KIF13B: variants seen among roughly 807,000 people sequenced by gnomAD.
KIF13B encodes kinesin family member 13B, also known as kinesin-like protein KIF13B.
Under a neutral mutation model 222.0 loss-of-function variants are expected in KIF13B, and 127 were observed. That is an observed-to-expected ratio of 0.57 (90% confidence interval 0.50 to 0.66). The LOEUF is 0.66. KIF13B is among the 30% of genes least tolerant of loss of function. The pLI, the probability that KIF13B is intolerant of heterozygous loss-of-function variation, is 0.00. For synonymous variants in KIF13B, 976 were observed against 919.0 expected (o/e 1.06, Z -1.12); for missense variants, 2,173 against 2,379.0 (o/e 0.91, Z 1.80).
chr8:29,152,532 G>A (rs1811343195), intron 14 of KIF13B, among the ~76,000 whole-genome samples: 1 of 152,114 alleles, frequency 6.6e-6, no homozygotes, highest in African/African-American at 2.4e-5. Flanking sequence ...CCACCAACAT[G>A]GAGGCAAGAC....
rs953910774 is a variant in KIF13B at position 29,135,881 on chromosome 8, ACT to A, written c.2614-1673_2614-1672del. Among the ~76,000 whole-genome samples, 338 of 152,226 alleles carry A rather than the reference ACT, an allele frequency of 2.2e-3. 10 individuals carry two copies. Among genetic ancestry groups the A allele is most frequent in the Non-Finnish European group, 3.7e-4 (25 of 68,016 alleles). On this transcript the variant is annotated intron_variant, in intron 21 of 39. Transcript: ENST00000524189. Reference sequence around the variant, plus strand: ...CTGCACTCTACTCTGGGTGACAGAGACTCTGTCTCAAAAAACAAACAAGCAAA... The same window carrying A: ...CTGCACTCTACTCTGGGTGACAGAGACTGTCTCAAAAAACAAACAAGCAAA...
chr8:29,101,765 G>A lies in KIF13B; in HGVS notation c.4216-2524C>T, dbSNP rs114697132. Among the ~76,000 whole-genome samples, 490 of 152,270 alleles carry A rather than the reference G, an allele frequency of 3.2e-3. 3 individuals are homozygous for A. The highest frequency in any genetic ancestry group is 0.011 in the African/African-American group (466 of 41,552). On this transcript the variant is annotated intron_variant, in intron 35 of 39. Transcript: ENST00000524189. ...ACCTATTCTGATCCCACTGTCCTGA[G>A]ACAGGGACCTCAAATCGCGCTGGGA...
intron 31 of KIF13B, among the ~76,000 whole-genome samples, chr8:29,115,219 A>G (rs1406475645): frequency 1.3e-5 from 2 of 152,104 alleles, no homozygotes; most frequent in African/African-American, 4.8e-5. Flanking sequence ...TACTGGTTTT[A>G]GTCAGTGTAT....
At chr8:29,182,129 A>AC in intron 6 of KIF13B, 123 bp from the exon 7 acceptor site, 1 of 612,096 alleles carries the variant, frequency 1.6e-6, no homozygotes, top group Non-Finnish European at 2.7e-6. Context: ...AAACCAACTG[A>AC]CTTGATCCCA....
rs1450257676 is a variant in KIF13B, at chr8:29,108,210, G to A, written c.4162-18C>T. ...CCAGACAACTGAAGAAGAAAGAAAG[G>A]GGGGTTAGTTATTTATGCATCAGAG... is the stretch of plus-strand genomic sequence containing the variant. On this transcript the variant is annotated intron_variant, in intron 34 of 39. Transcript: ENST00000524189. 4.4e-6 allele frequency: 7 copies of A among 1,609,142 alleles called. No homozygotes were observed. Among genetic ancestry groups the A allele is most frequent in the South Asian group, 1.1e-5 (1 of 89,780 alleles).
intron 31 of KIF13B, 65 bp from the exon 32 acceptor site, chr8:29,113,620 G>A: frequency 1.0e-6 from 1 of 953,054 alleles, no homozygotes; most frequent in Non-Finnish European, 1.6e-6. Flanking sequence ...ATTAACAAAA[G>A]ACAGCATGGA....
At position 29,071,994 on chromosome 8, in the gene KIF13B, G is replaced by A. The variant is rs1807310098; in HGVS notation, c.4844C>T (p.Ala1615Val). The change falls in exon 39 of 40, where the codon GCC (alanine) becomes GTC (valine). Residue 1615 changes from alanine to valine, a missense_variant. By Grantham distance (64) the Ala-to-Val change is moderately conservative. Coordinates refer to ENST00000524189, the MANE Select transcript of KIF13B (RefSeq NM_015254.4). The surrounding 1 kb of genome is among the most constrained non-coding windows in gnomAD (Gnocchi z 4.9). Reference protein sequence around the residue: ...APISHPPPPTAVPAEEPPGPQ... With the variant: ...APISHPPPPTVVPAEEPPGPQ... ...GCCAGGGGGCTCCTCGGCGGGGACG[G>A]CCGTGGGCGGTGGGGGGTGGCTGAT... 4 of 1,296,040 alleles carry A rather than the reference G, an allele frequency of 3.1e-6. No homozygotes were observed. The highest frequency in any genetic ancestry group is 2.2e-5 in the South Asian group (1 of 45,154). The allele number at this position is 1,296,040 out of a possible 1,614,324, so 80.3% of individuals were successfully genotyped here. A position where few individuals can be genotyped will look rare whatever the true frequency, so the allele number is the denominator to read the frequency against.
At position 29,118,934 on chromosome 8, in the gene KIF13B, C is replaced by G. The variant is rs544452612; in HGVS notation, c.3594G>C (p.Ala1198=). Residue 1198 remains alanine, a synonymous_variant, in exon 30 of 40, where the codon GCG becomes GCC. Transcript: ENST00000524189. ...CCTCTTCTTCTTCCCCAGTCAAGGT[C>G]GCATCCCATCCACCAGCTTCTGGGT... The part of the protein sequence containing the change: ...LDDPEAGGWD[A]TLTGEEEEEF... 15 of 1,613,884 alleles carry G rather than the reference C, an allele frequency of 9.3e-6. No individual in the cohort carries two copies. The African/African-American group carries it at 1.2e-4, about 13-fold the overall frequency.
At chr8:29,250,677 G>C (rs984437144) in intron 1 of KIF13B, among the ~76,000 whole-genome samples, 3 of 152,190 alleles carry the variant, frequency 2.0e-5, no homozygotes, top group Non-Finnish European at 4.4e-5. Flanking sequence ...AGGATAGTAA[G>C]AGAAGGCTTT....
chr8:29,089,755 G>A (rs187286122), intron 37 of KIF13B, among the ~76,000 whole-genome samples: 156 of 152,012 alleles, frequency 1.0e-3, no homozygotes, highest in African/African-American at 3.6e-3. Context: ...TCAGCCAAGC[G>A]TGGTGGCAGG....
chr8:29,200,886 C>T (rs1238712017), intron 2 of KIF13B, among the ~76,000 whole-genome samples: 1 of 152,220 alleles, frequency 6.6e-6, no homozygotes, highest in Non-Finnish European at 1.5e-5. Flanking sequence ...ACTGAAGTCA[C>T]ATTGCGCCCT....
intron 2 of KIF13B, among the ~76,000 whole-genome samples, chr8:29,224,301 C>A (rs1413937976): frequency 2.0e-5 from 3 of 152,208 alleles, no homozygotes; most frequent in Non-Finnish European, 4.4e-5. Flanking sequence ...CCGCGCCCGG[C>A]CTCAGTTTTC....
At chr8:29,144,538 A>G (rs1305979322) in intron 18 of KIF13B, among the ~76,000 whole-genome samples, 2 of 152,086 alleles carry the variant, frequency 1.3e-5, no homozygotes, top group African/African-American at 4.8e-5. Context: ...GATTACAGGC[A>G]TGAGCCACCA....
At chr8:29,158,365 G>A (rs1171804776) in intron 13 of KIF13B, among the ~76,000 whole-genome samples, 1 of 152,136 alleles carries the variant, frequency 6.6e-6, no homozygotes, top group Non-Finnish European at 1.5e-5. Context: ...ATAAGATAAA[G>A]TTAAGCAGGG....
At chr8:29,159,891 A>G (rs1811698756) in intron 13 of KIF13B, among the ~76,000 whole-genome samples, 1 of 152,188 alleles carries the variant, frequency 6.6e-6, no homozygotes. Context: ...AAACCACACA[A>G]TTCTCTTAGA....
At chr8:29,192,114 C>T (rs1813217511) in intron 3 of KIF13B, among the ~76,000 whole-genome samples, 1 of 152,140 alleles carries the variant, frequency 6.6e-6, no homozygotes, top group Non-Finnish European at 1.5e-5. Context: ...TACTGAAGCC[C>T]AGATTTTGGG....
intron 37 of KIF13B, among the ~76,000 whole-genome samples, chr8:29,076,590 G>A (rs770021838): frequency 1.9e-4 from 29 of 152,284 alleles, no homozygotes; most frequent in Non-Finnish European, 3.4e-4. Context: ...GAAGAGTCCC[G>A]AAGAAGCCAG....
chr8:29,175,434 CT>C (rs1812434424), intron 10 of KIF13B, among the ~76,000 whole-genome samples: 2 of 152,166 alleles, frequency 1.3e-5, no homozygotes, highest in African/African-American at 4.8e-5. Flanking sequence ...CTCTGTTTTC[CT>C]CTGTTTTAAA....
intron 37 of KIF13B, among the ~76,000 whole-genome samples, chr8:29,089,692 G>A (rs1808203400): frequency 1.3e-5 from 2 of 151,916 alleles, no homozygotes; most frequent in African/African-American, 4.8e-5. Context: ...TTAGGAGTTC[G>A]AGACCAGCCT....
Sources: allele counts gnomAD v4.1 joint callset (sites outside exome capture counted in the v4.1 genomes callset), GRCh38; gene constraint gnomAD v4.1.1; non-coding constraint Gnocchi (gnomAD v3.1); transcripts MANE v1.5; gene names NCBI Gene and HGNC (gene_info 2026-07-23, HGNC 2026-07-21).